ATF7: variants seen among roughly 807,000 people sequenced by gnomAD.
ATF7 encodes activating transcription factor 7, also known as cyclic AMP-dependent transcription factor ATF-7.
ATF7 carries 10 observed loss-of-function variants against 50.4 expected under a neutral mutation model. The observed-to-expected ratio is 0.20, with a 90% CI of 0.12 to 0.34. The LOEUF is 0.34. ATF7 is among the 10% of genes least tolerant of loss of function. The pLI, the probability that ATF7 is intolerant of heterozygous loss-of-function variation, is 1.00. For synonymous variants in ATF7, 201 were observed against 226.4 expected (o/e 0.89, Z 1.01); for missense variants, 465 against 613.9 (o/e 0.76, Z 2.56).
At chr12:53,550,348 A>C (rs1302595606) in intron 3 of ATF7, among the ~76,000 whole-genome samples, 6 of 147,406 alleles carry the variant, frequency 4.1e-5, no homozygotes, top group African/African-American at 1.5e-4. Flanking sequence ...ATAAATAAAT[A>C]AATAAATAAA....
chr12:53,588,850 A>G (rs75363818), intron 2 of ATF7, among the ~76,000 whole-genome samples: 6,169 of 152,270 alleles, frequency 0.041, 173 homozygotes, highest in Middle Eastern at 0.071. Context: ...TTTCAGCATC[A>G]TTACCAGGCA....
chr12:53,560,366 G>A (rs1478671729), intron 2 of ATF7, among the ~76,000 whole-genome samples: 1 of 151,866 alleles, frequency 6.6e-6, no homozygotes, highest in South Asian at 2.1e-4. Context: ...TTCTCTAGAC[G>A]TATTTTGAAA....
At chr12:53,562,622 C>T (rs974406457) in intron 2 of ATF7, among the ~76,000 whole-genome samples, 11 of 150,650 alleles carry the variant, frequency 7.3e-5, no homozygotes, top group Non-Finnish European at 1.5e-4. Flanking sequence ...GGGACAAGAG[C>T]GAAACTTCAT....
At chr12:53,538,550 A>C (rs1194393786) in intron 4 of ATF7, among the ~76,000 whole-genome samples, 1 of 152,216 alleles carries the variant, frequency 6.6e-6, no homozygotes, top group African/African-American at 2.4e-5. Flanking sequence ...CAATCACCTC[A>C]CAGAACTGTG....
intron 1 of ATF7, among the ~76,000 whole-genome samples, chr12:53,613,551 TACTCTGTTGCCC>T (rs2137897806): frequency 6.6e-6 from 1 of 152,232 alleles, no homozygotes; most frequent in East Asian, 1.9e-4. Context: ...GACAGGGTCT[TACTCTGTTGCCC>T]AAGCTGGAGT....
intron 11 of ATF7, among the ~76,000 whole-genome samples, chr12:53,519,177 G>T (rs17100094): frequency 0.067 from 10,133 of 152,154 alleles, 498 homozygotes; most frequent in East Asian, 0.19. Flanking sequence ...ATTTTACTGA[G>T]CATCATCCAT....
intron 1 of ATF7, among the ~76,000 whole-genome samples, chr12:53,604,461 A>T (rs190606869): frequency 7.9e-5 from 12 of 152,326 alleles, no homozygotes; most frequent in Admixed American, 6.5e-4. Flanking sequence ...ATATATGTCT[A>T]TATCTATATA....
intron 2 of ATF7, among the ~76,000 whole-genome samples, chr12:53,571,088 G>A (rs923155721): frequency 6.6e-6 from 1 of 152,086 alleles, no homozygotes; most frequent in African/African-American, 2.4e-5. Context: ...GTCCTTCTAA[G>A]ACAGCAGCAA....
chr12:53,587,843 A>ATATATATATATATATATTT, intron 2 of ATF7, among the ~76,000 whole-genome samples: 72 of 61,542 alleles, frequency 1.2e-3, no homozygotes, highest in African/African-American at 3.2e-3. Flanking sequence ...ATATATATAT[A>ATATATATATATATATATTT]TTTTTTTTTT....
intron 2 of ATF7, among the ~76,000 whole-genome samples, chr12:53,590,075 A>C (rs1248398745): frequency 2.6e-5 from 4 of 152,174 alleles, no homozygotes; most frequent in African/African-American, 9.7e-5. Flanking sequence ...AGAAGCTGAG[A>C]TAGCCCAAAA....
chr12:53,620,244 G>A (rs1316810517), intron 1 of ATF7, among the ~76,000 whole-genome samples: 4 of 151,708 alleles, frequency 2.6e-5, no homozygotes, highest in Admixed American at 2.6e-4. Context: ...TTCAAGACCA[G>A]CCTGGCCAAC....
intron 2 of ATF7, among the ~76,000 whole-genome samples, chr12:53,592,285 G>A (rs767079073): frequency 2.6e-5 from 4 of 152,158 alleles, no homozygotes; most frequent in Non-Finnish European, 5.9e-5. Context: ...AAGAAATTTC[G>A]AAGTAAAAAC....
intron 3 of ATF7, among the ~76,000 whole-genome samples, chr12:53,546,924 A>G (rs1939961661): frequency 7.0e-6 from 1 of 143,438 alleles, no homozygotes; most frequent in Non-Finnish European, 1.5e-5. Flanking sequence ...TGCCTAACTA[A>G]TTTTTGTATT....
chr12:53,604,691 A>G (rs1943534004), intron 1 of ATF7, among the ~76,000 whole-genome samples: 1 of 152,244 alleles, frequency 6.6e-6, no homozygotes, highest in African/African-American at 2.4e-5. Context: ...GCCTGTTATC[A>G]GGTTCCTAAT....
At chr12:53,596,619 C>T (rs1943169313) in intron 2 of ATF7, among the ~76,000 whole-genome samples, 2 of 152,062 alleles carry the variant, frequency 1.3e-5, no homozygotes, top group Non-Finnish European at 2.9e-5. Context: ...CAAAAAGCAT[C>T]CAAAAGGTAA....
chr12:53,568,932 C>A (rs1342304220), intron 2 of ATF7, among the ~76,000 whole-genome samples: 1 of 151,882 alleles, frequency 6.6e-6, no homozygotes, highest in Non-Finnish European at 1.5e-5. Context: ...GAGGCTGAGG[C>A]AGGAGGATCA....
chr12:53,547,284 T>A (rs1252613044), intron 3 of ATF7, among the ~76,000 whole-genome samples: 2 of 18,330 alleles, frequency 1.1e-4, no homozygotes, highest in Non-Finnish European at 3.7e-4. Context: ...GTGCCCAGCC[T>A]TTTTTTTTTT....
chr12:53,533,366 T>TA, intron 6 of ATF7, 107 bp from the exon 7 acceptor site: 2 of 849,182 alleles, frequency 2.4e-6, no homozygotes, highest in South Asian at 3.4e-5. Flanking sequence ...AGGGAAGGTA[T>TA]AGGGCAGCAT....
At chr12:53,559,047 C>T (rs1056396745) in intron 2 of ATF7, among the ~76,000 whole-genome samples, 3 of 149,614 alleles carry the variant, frequency 2.0e-5, no homozygotes, top group African/African-American at 7.4e-5. Context: ...TCTGGGAGGC[C>T]GAGGTTGGAG....
Sources: gnomAD v4.1 joint callset for allele counts (sites outside exome capture counted in the v4.1 genomes callset) on GRCh38, gnomAD v4.1.1 for gene constraint, MANE v1.5 for transcripts, NCBI Gene and HGNC (gene_info 2026-07-23, HGNC 2026-07-21) for gene names.